Variants in ESRRG observed in about 807,000 individuals in gnomAD.
ESRRG encodes the protein estrogen related receptor gamma, also known as estrogen-related receptor gamma.
In ESRRG, 13 loss-of-function variants were observed where a neutral mutation model predicts 44.0. That is an observed-to-expected ratio of 0.30 (90% confidence interval 0.19 to 0.47). The LOEUF (loss-of-function observed/expected upper bound fraction) is 0.47, where lower values mean the gene tolerates loss of function less well. ESRRG is among the 20% of genes least tolerant of loss of function. ESRRG has a pLI of 1.00. For synonymous variants in ESRRG, 215 were observed against 214.6 expected (o/e 1.00, Z -0.02); for missense variants, 395 against 580.6 (o/e 0.68, Z 3.29).
At chr1:217,062,073 G>C (rs11572400) in intron 1 of ESRRG, among the ~76,000 whole-genome samples, 31,809 of 152,082 alleles carry the variant, frequency 0.21, 4,416 homozygotes, top group Non-Finnish European at 0.3. Flanking sequence ...GCACTGCCTT[G>C]TTTAGCAAAC....
upstream of ESRRG, among the ~76,000 whole-genome samples, chr1:217,091,861 C>T (rs969290142): frequency 6.6e-6 from 1 of 152,206 alleles, no homozygotes; most frequent in African/African-American, 2.4e-5. Context: ...TCCTGGTTCT[C>T]CAGCTTTTTT....
At position 216,616,156 on chromosome 1, in the gene ESRRG, A is replaced by G. The variant is rs569861107; in HGVS notation, c.589+34817T>C. On this transcript the variant is annotated intron_variant, in intron 3 of 6. Transcript: ENST00000408911. ...GGGTCGCTGTGGTGGATGATCACAG[A>G]AGAGGGTCCACTGGATCCTGGCTGT... 3.3e-5 allele frequency among the ~76,000 whole-genome samples: 5 copies of G among 152,248 alleles called. No individual in the cohort carries two copies. The South Asian group carries it at 1.0e-3, about 32-fold the overall frequency.
chr1:216,924,422 G>C (rs1055699610), intron 2 of ESRRG, among the ~76,000 whole-genome samples: 2 of 152,070 alleles, frequency 1.3e-5, no homozygotes, highest in Admixed American at 1.3e-4. Flanking sequence ...CGAGACCAAA[G>C]GGTCCAATTC....
chr1:216,805,654 C>T (rs2094766594), intron 2 of ESRRG, among the ~76,000 whole-genome samples: 1 of 151,710 alleles, frequency 6.6e-6, no homozygotes, highest in Admixed American at 6.6e-5. Context: ...AACTGAAAGG[C>T]ATTTGCCGTG....
intron 5 of ESRRG, among the ~76,000 whole-genome samples, chr1:216,542,637 A>G (rs189209738): frequency 7.6e-4 from 115 of 152,128 alleles, no homozygotes; most frequent in Admixed American, 2.1e-3. Flanking sequence ...AAACTTTCAC[A>G]TTTTTGTACT....
intron 2 of ESRRG, among the ~76,000 whole-genome samples, chr1:216,768,155 T>A (rs2093179076): frequency 6.6e-6 from 1 of 152,082 alleles, no homozygotes; most frequent in East Asian, 1.9e-4. Flanking sequence ...ACTAAGGCCA[T>A]AGCTAACAAG....
At chr1:217,000,097 T>C (rs61816711) in intron 1 of ESRRG, among the ~76,000 whole-genome samples, 8,207 of 152,324 alleles carry the variant, frequency 0.054, 374 homozygotes, top group Non-Finnish European at 0.082. Context: ...ATTTTTTACA[T>C]GTAAAATGTA....
At chr1:216,833,023 A>C (rs1172556055) in intron 2 of ESRRG, among the ~76,000 whole-genome samples, 1 of 139,860 alleles carries the variant, frequency 7.2e-6, no homozygotes, top group Non-Finnish European at 1.6e-5. Flanking sequence ...AATTAATTTT[A>C]TTTTTTTTTC....
chr1:216,813,475 C>T (rs534726741), intron 2 of ESRRG, among the ~76,000 whole-genome samples: 72 of 152,094 alleles, frequency 4.7e-4, no homozygotes, highest in Admixed American at 8.5e-4. Context: ...CAGAGGATAT[C>T]GAATCTGTAT....
At position 216,506,819 on chromosome 1, in the gene ESRRG, A is replaced by T; in HGVS notation, c.*120T>A. The T allele has an allele frequency of 1.8e-6, 2 of 1,103,002 alleles. No individual in the cohort carries two copies. The highest frequency in any genetic ancestry group is 2.6e-6 in the Non-Finnish European group (2 of 765,036). 68.3% of individuals were successfully genotyped at this position (1,103,002 alleles called of 1,614,324 possible). On this transcript the variant is annotated 3_prime_UTR_variant, in exon 7 of 7. Coordinates refer to ENST00000408911, the MANE Select transcript of ESRRG (RefSeq NM_001438.4). The stretch of plus-strand genomic sequence containing the variant: ...TGCTTCATAGTCTTGCTGCTAAATT[A>T]TCAGTGCAGTCTGTTGATTTTTGAT...
At chr1:216,627,357 C>G (rs12089054) in intron 3 of ESRRG, among the ~76,000 whole-genome samples, 1 of 152,006 alleles carries the variant, frequency 6.6e-6, no homozygotes, top group Non-Finnish European at 1.5e-5. Flanking sequence ...CTGAATTCCC[C>G]TCCTTTTCTT....
chr1:217,024,702 G>T (rs2080917701), intron 1 of ESRRG, among the ~76,000 whole-genome samples: 1 of 151,502 alleles, frequency 6.6e-6, no homozygotes, highest in African/African-American at 2.4e-5. Flanking sequence ...TATGTCTCAG[G>T]GCTTCCTTCC....
At chr1:216,658,680 A>G (rs1409526392) in intron 2 of ESRRG, among the ~76,000 whole-genome samples, 3 of 151,580 alleles carry the variant, frequency 2.0e-5, no homozygotes, top group Admixed American at 2.0e-4. Flanking sequence ...AAAAAAAAAA[A>G]AAAATAGCCA....
In ESRRG at chr1:216,944,771, G is replaced by T. The variant is rs1487652317; in HGVS notation, c.-105-5098C>A. On this transcript the variant is annotated intron_variant, in intron 1 of 7. Transcript: ENST00000359162. ...GTGGTAATGGCTTTTCCAAGTCTTA[G>T]ACAATTGCTAATGACACCAAGAGTG... Among the ~76,000 whole-genome samples, 4 of 152,116 alleles carry T rather than the reference G, an allele frequency of 2.6e-5. No individual in the cohort carries two copies. The East Asian group carries it at 7.7e-4, about 29-fold the overall frequency.
intron 2 of ESRRG, among the ~76,000 whole-genome samples, chr1:216,776,769 C>A (rs11572629): frequency 1.3e-3 from 205 of 152,162 alleles, no homozygotes; most frequent in African/African-American, 4.6e-3. Flanking sequence ...ATCTCAAGAC[C>A]CCCCAGTCCT....
chr1:216,747,842 A>T (rs150385880), intron 2 of ESRRG, among the ~76,000 whole-genome samples: 28 of 152,328 alleles, frequency 1.8e-4, no homozygotes, highest in African/African-American at 6.7e-4. Context: ...AACAGTGCTC[A>T]GGAGGCTAAG....
At chr1:216,976,780 G>A (rs1578945751) in intron 1 of ESRRG, among the ~76,000 whole-genome samples, 1 of 152,280 alleles carries the variant, frequency 6.6e-6, no homozygotes, top group East Asian at 1.9e-4. Flanking sequence ...AGTCAAATGA[G>A]TCTGTCTTTC....
intron 2 of ESRRG, among the ~76,000 whole-genome samples, chr1:216,805,908 A>C (rs1415712795): frequency 6.6e-6 from 1 of 152,138 alleles, no homozygotes; most frequent in Non-Finnish European, 1.5e-5. Flanking sequence ...TCTGAAGGAG[A>C]GAAGATGACT....
At chr1:216,645,354 T>C (rs2067314374) in intron 3 of ESRRG, among the ~76,000 whole-genome samples, 2 of 152,140 alleles carry the variant, frequency 1.3e-5, no homozygotes, top group African/African-American at 4.8e-5. Context: ...ATCATCATCA[T>C]CATCATTGTA....
Sources: allele counts gnomAD v4.1 joint callset (sites outside exome capture counted in the v4.1 genomes callset), GRCh38; gene constraint gnomAD v4.1.1; transcripts MANE v1.5; gene names NCBI Gene and HGNC (gene_info 2026-07-23, HGNC 2026-07-21).